Variants in C8orf34 observed in about 807,000 individuals in gnomAD.
C8orf34 encodes uncharacterized protein C8orf34.
A neutral mutation model predicts 68.3 loss-of-function variants in C8orf34; 65 were observed. The observed-to-expected ratio is 0.95, with a 90% CI of 0.78 to 1.17. The LOEUF is 1.17. Among genes scored for constraint, C8orf34 ranks in the 50% most tolerant of loss-of-function variants. The pLI is 0.00. For synonymous variants in C8orf34, 244 were observed against 241.2 expected (o/e 1.01, Z -0.11); for missense variants, 664 against 655.4 (o/e 1.01, Z -0.14).
At chr8:68,788,474 G>T (rs16935067) in intron 12 of C8orf34, among the ~76,000 whole-genome samples, 14,700 of 152,164 alleles carry the variant, frequency 0.097, 993 homozygotes, top group East Asian at 0.36. Flanking sequence ...GGAGGCCAAG[G>T]TTCACTCAGC....
intron 7 of C8orf34, among the ~76,000 whole-genome samples, chr8:68,563,255 G>A (rs1457700307): frequency 6.6e-6 from 1 of 152,166 alleles, no homozygotes; most frequent in Non-Finnish European, 1.5e-5. Context: ...AAGTAAGGAT[G>A]TATGCAAAGA....
intron 13 of C8orf34, among the ~76,000 whole-genome samples, chr8:68,816,574 A>G (rs1156501646): frequency 1.3e-5 from 2 of 152,136 alleles, no homozygotes; most frequent in East Asian, 3.9e-4. Context: ...TTTCTCTGCA[A>G]TACCCCTACC....
chr8:68,360,099 T>C (rs1806920459), intron 1 of C8orf34, among the ~76,000 whole-genome samples: 1 of 152,182 alleles, frequency 6.6e-6, no homozygotes. Context: ...GCTTAATTCT[T>C]CCCAGGGCCC....
At chr8:68,580,236 G>A (rs891385875) in intron 7 of C8orf34, among the ~76,000 whole-genome samples, 5 of 151,636 alleles carry the variant, frequency 3.3e-5, no homozygotes, top group Admixed American at 6.6e-5. Context: ...AGCTTTAAGG[G>A]GTATACATTT....
chr8:68,677,629 T>C (rs921674535), intron 8 of C8orf34, among the ~76,000 whole-genome samples: 2 of 152,098 alleles, frequency 1.3e-5, no homozygotes, highest in African/African-American at 4.8e-5. Context: ...GTGCTGGGAT[T>C]GCAGGCATGA....
Position 68,743,567 on chromosome 8 carries a change from T to A in C8orf34, c.1404+22130T>A, listed in dbSNP as rs966253663. On this transcript the variant is annotated intron_variant, in intron 10 of 13. Coordinates refer to ENST00000518698, the MANE Select transcript of C8orf34 (RefSeq NM_052958.4). ...GAACCAGGGCGAGGCATTGCCTCAC[T>A]CGGGAAGCGCAAGGGGTCAGGGAGT... is the stretch of plus-strand genomic sequence containing the variant. Among the ~76,000 whole-genome samples, 5 of 152,184 alleles carry A rather than the reference T, an allele frequency of 3.3e-5. 1 individual carries two copies. The highest frequency in any genetic ancestry group is 3.3e-4 in the Admixed American group (5 of 15,282).
chr8:68,465,243 A>T (rs1290767950), intron 3 of C8orf34, among the ~76,000 whole-genome samples: 1 of 151,974 alleles, frequency 6.6e-6, no homozygotes, highest in African/African-American at 2.4e-5. Context: ...AATCAAAACT[A>T]CAATGAGATA....
chr8:68,442,100 A>G (rs904197559), intron 2 of C8orf34, among the ~76,000 whole-genome samples: 4 of 152,092 alleles, frequency 2.6e-5, no homozygotes, highest in Non-Finnish European at 5.9e-5. Flanking sequence ...TGTAGGATGG[A>G]CTGGGAGAAG....
intron 1 of C8orf34, among the ~76,000 whole-genome samples, chr8:68,346,333 G>T (rs1806282980): frequency 6.7e-6 from 1 of 150,028 alleles, no homozygotes; most frequent in East Asian, 2.0e-4. Flanking sequence ...TTAACAGGAA[G>T]CTACAGAAGT....
intron 7 of C8orf34, among the ~76,000 whole-genome samples, chr8:68,609,096 C>A (rs968006652): frequency 2.0e-5 from 3 of 152,094 alleles, no homozygotes; most frequent in Non-Finnish European, 4.4e-5. Context: ...ATTGCTTGAG[C>A]CCAGGAGTTT....
At chr8:68,568,497 T>G (rs1816667033) in intron 7 of C8orf34, among the ~76,000 whole-genome samples, 1 of 151,834 alleles carries the variant, frequency 6.6e-6, no homozygotes. Flanking sequence ...AGTGAGCCCA[T>G]GCTGTTGGAA....
intron 10 of C8orf34, among the ~76,000 whole-genome samples, chr8:68,775,610 G>A (rs1823491870): frequency 1.3e-5 from 2 of 152,140 alleles, no homozygotes; most frequent in African/African-American, 4.8e-5. Flanking sequence ...GGATATAAAG[G>A]TTAATTGTCT....
At chr8:68,689,967 A>G (rs894977306) in intron 8 of C8orf34, among the ~76,000 whole-genome samples, 2 of 152,028 alleles carry the variant, frequency 1.3e-5, no homozygotes, top group Admixed American at 1.3e-4. Flanking sequence ...CTACTGTGCA[A>G]TGCTGCCTCC....
intron 1 of C8orf34, among the ~76,000 whole-genome samples, chr8:68,395,455 C>T (rs185554901): frequency 7.7e-4 from 117 of 151,986 alleles, no homozygotes; most frequent in African/African-American, 2.6e-3. Context: ...GGAATGGGGC[C>T]CCCTGTTTCT....
At chr8:68,637,016 C>A (rs1023110189) in intron 7 of C8orf34, among the ~76,000 whole-genome samples, 1 of 152,164 alleles carries the variant, frequency 6.6e-6, no homozygotes, top group Non-Finnish European at 1.5e-5. Flanking sequence ...ACTTAGAGAA[C>A]CAAGTAGCCT....
At chr8:68,552,373 T>G (rs1816101599) in intron 7 of C8orf34, among the ~76,000 whole-genome samples, 1 of 152,190 alleles carries the variant, frequency 6.6e-6, no homozygotes, top group East Asian at 1.9e-4. Context: ...TTTTTAAGAA[T>G]ATTTTTTAGT....
At chr8:68,675,736 C>T (rs1820167159) in intron 8 of C8orf34, among the ~76,000 whole-genome samples, 2 of 152,130 alleles carry the variant, frequency 1.3e-5, no homozygotes, top group South Asian at 4.1e-4. Flanking sequence ...AGGAGTAAGT[C>T]CTTACTTATC....
chr8:68,373,105 C>T (rs746168821), intron 1 of C8orf34, among the ~76,000 whole-genome samples: 1 of 152,172 alleles, frequency 6.6e-6, no homozygotes, highest in Non-Finnish European at 1.5e-5. Context: ...AATCAATTCT[C>T]CTGCATCAGC....
intron 8 of C8orf34, among the ~76,000 whole-genome samples, chr8:68,665,247 C>T (rs554146145): frequency 6.6e-6 from 1 of 152,206 alleles, no homozygotes; most frequent in Non-Finnish European, 1.5e-5. Flanking sequence ...GAAATATTGG[C>T]AACTTTAAAT....
Sources: allele counts gnomAD v4.1 joint callset (sites outside exome capture counted in the v4.1 genomes callset), GRCh38; gene constraint gnomAD v4.1.1; transcripts MANE v1.5; gene names NCBI Gene and HGNC (gene_info 2026-07-23, HGNC 2026-07-21).